The following AKAP7 variants were observed in gnomAD, a reference collection of about 807,000 sequenced individuals.
The protein encoded by AKAP7 is A kinase (PRKA) anchor protein 7.
A neutral mutation model predicts 39.5 loss-of-function variants in AKAP7; 39 were observed. The ratio of observed to expected loss-of-function variants is 0.99; its 90% CI spans 0.76 to 1.29. The LOEUF (loss-of-function observed/expected upper bound fraction) is 1.29. Ranked by LOEUF, AKAP7 falls within the 50% of genes most tolerant of loss-of-function variation. The pLI is 0.00. For synonymous variants in AKAP7, 140 were observed against 139.1 expected, an observed-to-expected ratio of 1.01 and a Z score of -0.05; for missense variants, 414 against 407.7, an observed-to-expected ratio of 1.02 and a Z score of -0.13.
chr6:131,196,180 GC>G (rs1806907524), intron 5 of AKAP7, among the ~76,000 whole-genome samples: 1 of 151,670 alleles, frequency 6.6e-6, no homozygotes, highest in South Asian at 2.1e-4. Flanking sequence ...TTTTCAAATA[GC>G]CTGTCCTCAA....
intron 2 of AKAP7, among the ~76,000 whole-genome samples, chr6:131,146,422 A>G (rs1429146338): frequency 1.3e-5 from 2 of 152,226 alleles, no homozygotes; most frequent in African/African-American, 4.8e-5. Context: ...AGCCTGGTCA[A>G]CATAGGGAGA....
At chr6:131,190,149 A>G (rs17787964) in intron 5 of AKAP7, among the ~76,000 whole-genome samples, 18,362 of 152,234 alleles carry the variant, frequency 0.12, 1,336 homozygotes, top group Non-Finnish European at 0.15. Flanking sequence ...GTACTTTTCA[A>G]AAAGAAGGCA....
intron 5 of AKAP7, among the ~76,000 whole-genome samples, chr6:131,182,961 CA>C (rs555024509): frequency 2.6e-5 from 4 of 150,990 alleles, no homozygotes; most frequent in African/African-American, 9.8e-5. Context: ...TGGAGTTCAA[CA>C]AAAAAAATTT....
intron 3 of AKAP7, among the ~76,000 whole-genome samples, chr6:131,162,745 C>G (rs1803103408): frequency 6.6e-6 from 1 of 152,180 alleles, no homozygotes; most frequent in Non-Finnish European, 1.5e-5. Context: ...CTGGCTGGAG[C>G]TTTCTCTTTG....
intron 5 of AKAP7, chr6:131,184,492 A>C: frequency 1.5e-6 from 1 of 676,852 alleles, no homozygotes; most frequent in Non-Finnish European, 2.8e-6. Flanking sequence ...CATCATCTTC[A>C]GAGGTGCCGC....
chr6:131,271,492 C>T (rs1814275282), intron 7 of AKAP7, among the ~76,000 whole-genome samples: 1 of 152,068 alleles, frequency 6.6e-6, no homozygotes, highest in Non-Finnish European at 1.5e-5. Context: ...TATAAGTCTT[C>T]TAATCATGTT....
At chr6:131,161,342 CT>C (rs1242627335) in intron 3 of AKAP7, among the ~76,000 whole-genome samples, 1 of 151,982 alleles carries the variant, frequency 6.6e-6, no homozygotes, top group African/African-American at 2.4e-5. Flanking sequence ...TTGAGGAATA[CT>C]TTTTAAAAGT....
At position 131,282,315 on chromosome 6, in the gene AKAP7, T is replaced by C; in HGVS notation, c.*589T>C. ...CCTTTTCTATAAAATGTGGGCAACA[T>C]TTTAAAGTTTTTTTAAAATCCTATT... On this transcript the variant is annotated 3_prime_UTR_variant, in exon 8 of 8. Transcript: ENST00000431975. The C allele has an allele frequency of 1.5e-6, 2 of 1,359,002 alleles. No homozygotes were observed. The allele number at this position is 1,359,002 out of a possible 1,614,324, so 84.2% of individuals were successfully genotyped here.
At chr6:131,244,867 A>C (rs1321762800) in intron 7 of AKAP7, among the ~76,000 whole-genome samples, 4 of 152,178 alleles carry the variant, frequency 2.6e-5, no homozygotes, top group Non-Finnish European at 5.9e-5. Context: ...TTTGCTATAC[A>C]TATTAAAATT....
At chr6:131,145,256 CT>C (rs773131304) in intron 1 of AKAP7, 28 bp from the exon 2 acceptor site, 53 of 1,334,160 alleles carry the variant, frequency 4.0e-5, no homozygotes, top group Middle Eastern at 1.9e-4. Context: ...TTAAATAATC[CT>C]TTTTTTTCTG....
At chr6:131,145,911 TATATTC>T (rs1427053090) in intron 2 of AKAP7, among the ~76,000 whole-genome samples, 4 of 152,116 alleles carry the variant, frequency 2.6e-5, no homozygotes, top group African/African-American at 9.7e-5. Context: ...ATAATAATGT[TATATTC>T]ATATATAATA....
At chr6:131,241,510 A>G (rs977092495) in intron 7 of AKAP7, among the ~76,000 whole-genome samples, 3 of 151,468 alleles carry the variant, frequency 2.0e-5, no homozygotes, top group African/African-American at 7.3e-5. Context: ...TTTTGGGCAT[A>G]TGAAAGCAGC....
chr6:131,181,074 T>C (rs996988245), intron 5 of AKAP7, among the ~76,000 whole-genome samples: 6 of 152,098 alleles, frequency 3.9e-5, no homozygotes, highest in Non-Finnish European at 8.8e-5. Context: ...TAGCTGGGAT[T>C]ACAGGCGCCT....
intron 1 of AKAP7, among the ~76,000 whole-genome samples, chr6:131,136,036 C>T (rs571162154): frequency 2.2e-4 from 33 of 152,328 alleles, no homozygotes; most frequent in African/African-American, 7.9e-4. Flanking sequence ...AGCCCATCCC[C>T]GAGTTTCACT....
chr6:131,139,448 GTTATA>G (rs1343626109), intron 1 of AKAP7, among the ~76,000 whole-genome samples: 1 of 152,166 alleles, frequency 6.6e-6, no homozygotes, highest in Non-Finnish European at 1.5e-5. Context: ...TGTTGAACAA[GTTATA>G]TTATGCTTTA....
chr6:131,269,674 T>TG (rs987574856), intron 7 of AKAP7, among the ~76,000 whole-genome samples: 6 of 152,310 alleles, frequency 3.9e-5, no homozygotes, highest in African/African-American at 1.4e-4. Flanking sequence ...ATCAGAATAT[T>TG]GGCTACCAAC....
At chr6:131,188,717 C>CTTT (rs201808987) in intron 5 of AKAP7, among the ~76,000 whole-genome samples, 2 of 138,242 alleles carry the variant, frequency 1.4e-5, no homozygotes, top group South Asian at 2.3e-4. Context: ...TTTTGTACTT[C>CTTT]TTTTTTTTTT....
chr6:131,241,627 G>GTATATATA (rs60816569), intron 7 of AKAP7, among the ~76,000 whole-genome samples: 4 of 86,638 alleles, frequency 4.6e-5, no homozygotes, highest in African/African-American at 1.0e-4. Context: ...GTGTGTGTGT[G>GTATATATA]TATATATATA....
chr6:131,258,294 G>A lies in AKAP7; in HGVS notation c.851-23236G>A, dbSNP rs3777484. Among the ~76,000 whole-genome samples the A allele has an allele frequency of 0.014, 2,174 of 152,224 alleles. 145 individuals are homozygous for A. In the East Asian group the frequency reaches 0.18, roughly 12 times the overall value. ...TTTCTTTAAAAAGTTACATGGCCTT[G>A]TAAAAAGAAATCTGTGAGACCTCAA... On this transcript the variant is annotated intron_variant, in intron 7 of 7. Coordinates refer to ENST00000431975, the MANE Select transcript of AKAP7 (RefSeq NM_016377.4).
Sources: allele counts gnomAD v4.1 joint callset (sites outside exome capture counted in the v4.1 genomes callset), GRCh38; gene constraint gnomAD v4.1.1; transcripts MANE v1.5; gene names NCBI Gene and HGNC (gene_info 2026-07-23, HGNC 2026-07-21).